Variants in TNFRSF10B observed in about 807,000 individuals in gnomAD.
TNFRSF10B encodes tumor necrosis factor receptor superfamily member 10B.
In TNFRSF10B, 35 loss-of-function variants were observed where a neutral mutation model predicts 41.4. The observed-to-expected ratio is 0.85, with a 90% CI of 0.65 to 1.12. The LOEUF is 1.12. TNFRSF10B is among the 50% of genes most tolerant of loss of function. The probability of loss-of-function intolerance (pLI) is 0.00; values close to 1 mark genes in which losing one functional copy is unlikely to be tolerated. For missense variants in TNFRSF10B, 584 were observed against 552.7 expected, an observed-to-expected ratio of 1.06 and a Z score of -0.57; for synonymous variants, 230 against 215.5, an observed-to-expected ratio of 1.07 and a Z score of -0.59.
At chr8:23,054,983 G>C (rs1278939238) in intron 1 of TNFRSF10B, among the ~76,000 whole-genome samples, 1 of 152,124 alleles carries the variant, frequency 6.6e-6, no homozygotes, top group Admixed American at 6.6e-5. Flanking sequence ...AAACAAGAGA[G>C]AAAAATTATG....
At chr8:23,023,263 A>G (rs1811598386) in intron 8 of TNFRSF10B, among the ~76,000 whole-genome samples, 1 of 152,164 alleles carries the variant, frequency 6.6e-6, no homozygotes. Context: ...GACGTTACAG[A>G]GGCAGAAAGT....
intron 2 of TNFRSF10B, among the ~76,000 whole-genome samples, chr8:23,031,858 G>A (rs186664022): frequency 1.4e-4 from 21 of 151,254 alleles, no homozygotes; most frequent in Non-Finnish European, 2.1e-4. Context: ...TTCACAGTAC[G>A]TCTTCAAATC....
intron 8 of TNFRSF10B, among the ~76,000 whole-genome samples, chr8:23,023,546 C>T (rs1203892920): frequency 6.6e-6 from 1 of 152,036 alleles, no homozygotes; most frequent in African/African-American, 2.4e-5. Flanking sequence ...GATCTCGGGA[C>T]GATGAGGGAT....
chr8:23,054,496 A>C (rs758661037), intron 1 of TNFRSF10B, among the ~76,000 whole-genome samples: 10 of 152,250 alleles, frequency 6.6e-5, no homozygotes, highest in Non-Finnish European at 1.5e-4. Flanking sequence ...AGTTATTTGC[A>C]TAAGTGCAGT....
chr8:23,040,490 CAG>C (rs1489051011), intron 2 of TNFRSF10B, among the ~76,000 whole-genome samples: 4 of 134,152 alleles, frequency 3.0e-5, no homozygotes, highest in Non-Finnish European at 6.4e-5. Context: ...TTAAGAAAAA[CAG>C]AAAATATATT....
chr8:23,031,923 T>TG (rs1485928993), intron 2 of TNFRSF10B, among the ~76,000 whole-genome samples: 4 of 151,664 alleles, frequency 2.6e-5, no homozygotes, highest in Non-Finnish European at 4.4e-5. Flanking sequence ...TTTTTTTTTT[T>TG]TTTTTTGAGA....
chr8:23,037,008 G>A (rs1206023211), intron 2 of TNFRSF10B, among the ~76,000 whole-genome samples: 1 of 152,174 alleles, frequency 6.6e-6, no homozygotes, highest in Non-Finnish European at 1.5e-5. Flanking sequence ...CTGATAACAA[G>A]GAAGTCTGGG....
chr8:23,025,050 C>T lies in TNFRSF10B; in HGVS notation c.937-790G>A, dbSNP rs552243246. ...ACTGTCGTCCGAGCTACTCAGAAGC[C>T]GGTAAGTCCGAGCTTACTTGGCCTT... On this transcript the variant is annotated intron_variant, in intron 7 of 8. Transcript: ENST00000276431. 6.6e-5 allele frequency among the ~76,000 whole-genome samples: 10 copies of T among 152,312 alleles called. No individual in the cohort carries two copies. The East Asian group carries it at 7.7e-4, about 12-fold the overall frequency.
rs544377463 is a variant in TNFRSF10B at position 23,039,393 on chromosome 8, C to A, written c.250+3745G>T. Among the ~76,000 whole-genome samples the A allele has an allele frequency of 8.2e-4, 124 of 152,070 alleles. 1 individual carries two copies. The highest frequency in any genetic ancestry group is 2.9e-3 in the African/African-American group (122 of 41,476). ...CAAATTCAAAAGGTACAGGATAGGC[C>A]AGCAGAGAAGAGTCACAGCTCAGGT... On this transcript the variant is annotated intron_variant, in intron 2 of 8. Coordinates refer to ENST00000276431, the MANE Select transcript of TNFRSF10B (RefSeq NM_003842.5).
Position 23,027,133 on chromosome 8 carries a change from C to T in TNFRSF10B, c.936G>A (p.Leu312=). The T allele has an allele frequency of 3.1e-6, 5 of 1,614,028 alleles. No homozygotes were observed. In the South Asian group the frequency reaches 4.4e-5, roughly 14 times the overall value. The change falls in exon 7 of 9, where the codon CTG becomes CTA. Residue 312 remains leucine, a splice_region_variant and synonymous_variant. Transcript: ENST00000276431. Reference sequence around the variant, plus strand: ...ACAAAATGATCTGTCCCCCACTCACCAGCAGATGCTCTGACTCCCCGGGGG... The same window carrying T: ...ACAAAATGATCTGTCCCCCACTCACTAGCAGATGCTCTGACTCCCCGGGGG... ...MLSPGESEHL[L]EPAEAERSQR...
chr8:23,029,939 T>C (rs1436678389), intron 3 of TNFRSF10B, among the ~76,000 whole-genome samples: 1 of 152,212 alleles, frequency 6.6e-6, no homozygotes, highest in Non-Finnish European at 1.5e-5. Flanking sequence ...CAGTTCATTA[T>C]TTATTACATT....
intron 1 of TNFRSF10B, chr8:23,049,934 G>A (rs1250962612): frequency 9.9e-5 from 15 of 152,256 alleles, no homozygotes; most frequent in Admixed American, 9.8e-4. Flanking sequence ...TTCAGCGGCT[G>A]GTAGCTTGCG....
Position 23,022,080 on chromosome 8 carries a change from G to A in TNFRSF10B, c.*591C>T, listed in dbSNP as rs563918905. ...TCGAGACCACCCTGAGCAACATAGA[G>A]AGCCCCTATATCTAGACAAAATACA... On this transcript the variant is annotated 3_prime_UTR_variant, in exon 9 of 9. Transcript: ENST00000276431. 29 of 434,250 alleles carry A rather than the reference G, an allele frequency of 6.7e-5. No individual in the cohort carries two copies. Among genetic ancestry groups the A allele is most frequent in the African/African-American group, 5.7e-4 (28 of 49,010 alleles). 26.9% of individuals were successfully genotyped at this position (434,250 alleles called of 1,614,324 possible). A position where few individuals can be genotyped will look rare whatever the true frequency, so the allele number is the denominator to read the frequency against.
intron 2 of TNFRSF10B, among the ~76,000 whole-genome samples, chr8:23,041,207 C>A (rs1374369506): frequency 6.6e-6 from 1 of 152,012 alleles, no homozygotes; most frequent in Non-Finnish European, 1.5e-5. Context: ...TACAGGCACG[C>A]CACTATACCC....
At chr8:23,032,598 T>C (rs915222384) in intron 2 of TNFRSF10B, among the ~76,000 whole-genome samples, 2 of 152,214 alleles carry the variant, frequency 1.3e-5, no homozygotes, top group Non-Finnish European at 1.5e-5. Context: ...TCATTGAATC[T>C]GTATATTGCT....
chr8:23,035,145 T>A (rs1811994655), intron 2 of TNFRSF10B, among the ~76,000 whole-genome samples: 2 of 144,988 alleles, frequency 1.4e-5, no homozygotes, highest in Middle Eastern at 3.6e-3. Context: ...TTGCAGGTAT[T>A]TTTTTTTTTT....
chr8:23,041,955 C>T (rs530582414), intron 2 of TNFRSF10B, among the ~76,000 whole-genome samples: 3 of 152,264 alleles, frequency 2.0e-5, no homozygotes, highest in Non-Finnish European at 4.4e-5. Context: ...CTCAAGACAG[C>T]GGCTTCAAGC....
intron 1 of TNFRSF10B, among the ~76,000 whole-genome samples, chr8:23,061,462 CCAGT>C (rs1812828950): frequency 6.6e-6 from 1 of 152,050 alleles, no homozygotes; most frequent in South Asian, 2.1e-4. Context: ...GGATTTTTTA[CCAGT>C]AAGATCATAT....
intron 1 of TNFRSF10B, among the ~76,000 whole-genome samples, chr8:23,046,098 A>G (rs1812351219): frequency 6.6e-6 from 1 of 152,230 alleles, no homozygotes; most frequent in African/African-American, 2.4e-5. Context: ...CAATTAGGCA[A>G]GAAAAAGAAA....
Sources: allele counts gnomAD v4.1 joint callset (sites outside exome capture counted in the v4.1 genomes callset), GRCh38; gene constraint gnomAD v4.1.1; transcripts MANE v1.5; gene names NCBI Gene and HGNC (gene_info 2026-07-23, HGNC 2026-07-21).